The following LHFPL6 variants were observed in gnomAD, a reference collection of about 807,000 sequenced individuals.
LHFPL6 encodes LHFPL tetraspan subfamily member 6 protein.
In LHFPL6, 9 loss-of-function variants were observed where a neutral mutation model predicts 20.6. The ratio of observed to expected loss-of-function variants is 0.44; its 90% CI spans 0.26 to 0.76. The LOEUF (loss-of-function observed/expected upper bound fraction) is 0.76. Among genes scored for constraint, LHFPL6 ranks in the 30% least tolerant of loss-of-function variants. The pLI, the probability that LHFPL6 is intolerant of heterozygous loss-of-function variation, is 0.20. For synonymous variants in LHFPL6, 105 were observed against 98.7 expected, an observed-to-expected ratio of 1.06 and a Z score of -0.38; for missense variants, 218 against 253.5, an observed-to-expected ratio of 0.86 and a Z score of 0.95.
chr13:39,386,669 A>C (rs1267780688), intron 2 of LHFPL6, among the ~76,000 whole-genome samples: 1 of 152,152 alleles, frequency 6.6e-6, no homozygotes, highest in East Asian at 1.9e-4. Flanking sequence ...GGTATATCTA[A>C]GTCCAGATTT....
intron 2 of LHFPL6, among the ~76,000 whole-genome samples, chr13:39,491,288 C>T (rs1286871801): frequency 6.6e-6 from 1 of 152,160 alleles, no homozygotes; most frequent in East Asian, 1.9e-4. Context: ...CTAGTCTGGG[C>T]CATGAGGGAA....
At chr13:39,562,589 TACATATATACACATATACATATATAC>T (rs1555268280) in intron 2 of LHFPL6, among the ~76,000 whole-genome samples, 39,839 of 130,272 alleles carry the variant, frequency 0.31, 8,124 homozygotes, top group South Asian at 0.42. Flanking sequence ...TACACATATA[TACATATATACACATATACATATATAC>T]ACATATATAC....
chr13:39,366,437 T>C (rs1262057414), intron 3 of LHFPL6, among the ~76,000 whole-genome samples: 1 of 152,224 alleles, frequency 6.6e-6, no homozygotes, highest in African/African-American at 2.4e-5. Context: ...GAACCACTTG[T>C]ACTAGCACCC....
chr13:39,435,729 T>C (rs1871940883), intron 2 of LHFPL6, among the ~76,000 whole-genome samples: 1 of 152,132 alleles, frequency 6.6e-6, no homozygotes, highest in South Asian at 2.1e-4. Context: ...TGTCAAGTTT[T>C]GGTGTGACAT....
chr13:39,533,590 C>A (rs1870530475), intron 2 of LHFPL6, among the ~76,000 whole-genome samples: 3 of 152,204 alleles, frequency 2.0e-5, no homozygotes, highest in Non-Finnish European at 2.9e-5. Context: ...GAAAACCACT[C>A]ATCTCTGCTA....
chr13:39,481,941 C>T (rs1357684792), intron 2 of LHFPL6, among the ~76,000 whole-genome samples: 2 of 152,028 alleles, frequency 1.3e-5, no homozygotes, highest in Non-Finnish European at 2.9e-5. Context: ...CTGATGACTG[C>T]TAAGAGGGAA....
chr13:39,484,529 C>T (rs147924625), intron 2 of LHFPL6, among the ~76,000 whole-genome samples: 1 of 152,188 alleles, frequency 6.6e-6, no homozygotes. Context: ...CCTTCCCTCT[C>T]TCTTTCCTTT....
chr13:39,493,664 G>GT (rs1268059041), intron 2 of LHFPL6, among the ~76,000 whole-genome samples: 4 of 152,144 alleles, frequency 2.6e-5, no homozygotes, highest in African/African-American at 9.7e-5. Flanking sequence ...AAACTGTAAA[G>GT]TAATTTTATC....
chr13:39,394,601 G>C (rs1870797700), intron 2 of LHFPL6, among the ~76,000 whole-genome samples: 1 of 152,154 alleles, frequency 6.6e-6, no homozygotes, highest in Non-Finnish European at 1.5e-5. Context: ...AAATTGTTGT[G>C]AAGTTCTCCA....
At chr13:39,592,180 T>A (rs1593377137) in intron 2 of LHFPL6, among the ~76,000 whole-genome samples, 1 of 151,876 alleles carries the variant, frequency 6.6e-6, no homozygotes, top group East Asian at 1.9e-4. Flanking sequence ...AATAAAAATC[T>A]TTCCCACGTT....
At chr13:39,509,731 G>A (rs1189478133) in intron 2 of LHFPL6, among the ~76,000 whole-genome samples, 1 of 152,130 alleles carries the variant, frequency 6.6e-6, no homozygotes, top group African/African-American at 2.4e-5. Context: ...AGGCTGAGGA[G>A]GGAGGATCCC....
chr13:39,552,191 T>G (rs1871160304), intron 2 of LHFPL6, among the ~76,000 whole-genome samples: 1 of 152,194 alleles, frequency 6.6e-6, no homozygotes, highest in Non-Finnish European at 1.5e-5. Flanking sequence ...ATTGCATACA[T>G]GGATAATCTA....
At chr13:39,555,060 A>T (rs187872262) in intron 2 of LHFPL6, among the ~76,000 whole-genome samples, 1 of 152,360 alleles carries the variant, frequency 6.6e-6, no homozygotes, top group Non-Finnish European at 1.5e-5. Flanking sequence ...TCCATTATCA[A>T]AAATAAAAGA....
chr13:39,445,538 G>A (rs1055954115), intron 2 of LHFPL6, among the ~76,000 whole-genome samples: 1 of 152,186 alleles, frequency 6.6e-6, no homozygotes, highest in African/African-American at 2.4e-5. Context: ...GTTTAGTAAA[G>A]TACTCTGGAA....
chr13:39,494,126 G>A (rs368418731), intron 2 of LHFPL6, among the ~76,000 whole-genome samples: 1 of 152,304 alleles, frequency 6.6e-6, no homozygotes, highest in Admixed American at 6.5e-5. Context: ...CCATTCAAAT[G>A]TCCTGGGCAG....
intron 2 of LHFPL6, among the ~76,000 whole-genome samples, chr13:39,584,348 G>C (rs998888690): frequency 6.6e-6 from 1 of 152,002 alleles, no homozygotes; most frequent in Admixed American, 6.5e-5. Context: ...TGAACATGGA[G>C]AAACCCCGTC....
intron 2 of LHFPL6, among the ~76,000 whole-genome samples, chr13:39,408,160 T>C (rs1871162612): frequency 6.6e-6 from 1 of 152,202 alleles, no homozygotes; most frequent in South Asian, 2.1e-4. Context: ...TCAAAAACTA[T>C]TGAATAAGTT....
intron 2 of LHFPL6, among the ~76,000 whole-genome samples, chr13:39,425,980 T>C (rs73458846): frequency 0.026 from 3,951 of 152,230 alleles, 154 homozygotes; most frequent in African/African-American, 0.087. Context: ...ATTCTGTTAA[T>C]AGTCTTTTTT....
In LHFPL6 at chr13:39,457,953, C is replaced by T. The variant is rs185151731; in HGVS notation, c.386-79427G>A. Among the ~76,000 whole-genome samples, 40 of 152,200 alleles carry T rather than the reference C, an allele frequency of 2.6e-4. No individual in the cohort carries two copies. In the East Asian group the frequency reaches 7.7e-3, roughly 29 times the overall value. ...GAAAAGAGTGATCAGAAATCCAGAT[C>T]CTAAAATGTCAAGTCCAGCCCAAAG... On this transcript the variant is annotated intron_variant, in intron 2 of 3. Coordinates refer to ENST00000379589, the MANE Select transcript of LHFPL6 (RefSeq NM_005780.3).
Sources: gnomAD v4.1 joint callset for allele counts (sites outside exome capture counted in the v4.1 genomes callset) on GRCh38, gnomAD v4.1.1 for gene constraint, MANE v1.5 for transcripts, NCBI Gene and HGNC (gene_info 2026-07-23, HGNC 2026-07-21) for gene names.